The following TNC variants were observed in gnomAD, a reference collection of about 807,000 sequenced individuals.
TNC encodes tenascin.
A neutral mutation model predicts 202.4 loss-of-function variants in TNC; 109 were observed. The observed-to-expected ratio is 0.54, with a 90% CI of 0.46 to 0.63. The LOEUF (loss-of-function observed/expected upper bound fraction) is 0.63, where lower values mean the gene tolerates loss of function less well. Among genes scored for constraint, TNC ranks in the 30% least tolerant of loss-of-function variants. The probability of loss-of-function intolerance (pLI) is 0.00; values close to 1 mark genes in which losing one functional copy is unlikely to be tolerated. For missense variants in TNC, 2,756 were observed against 2,833.3 expected (o/e 0.97, Z 0.62); for synonymous variants, 1,007 against 1,089.7 (o/e 0.92, Z 1.50).
Position 115,062,957 on chromosome 9 carries a change from C to T in TNC, c.3993G>A (p.Arg1331=), listed in dbSNP as rs1322298869. 6.2e-7 allele frequency: 1 copy of T among 1,613,970 alleles called. No individual in the cohort carries two copies. The change falls in exon 13 of 28, where the codon AGG becomes AGA. Residue 1331 remains arginine, a synonymous_variant. Coordinates refer to ENST00000350763, the MANE Select transcript of TNC (RefSeq NM_002160.4). ...PYTVTLHGEV[R]GHSTRPLAVE... ...CAGCAAGGGGTCGAGTGCTGTGGCC[C>T]CTGACCTCGCCGTGCAGGGTGACTG...
At position 115,087,094 on chromosome 9, in the gene TNC, C is replaced by T. The variant is rs7020958; in HGVS notation, c.637G>A (p.Gly213Ser). ...GQCICDDGFT[G>S]EDCSQLACPS... ...CAAGCCAGCTGGCTGCAGTCCTCGC[C>T]CGTGAAGCCGTCGTCACAGATGCAC... The change falls in exon 3 of 28, where the codon GGC (glycine) becomes AGC (serine). Residue 213 changes from glycine to serine, a missense_variant. Gly to Ser is a moderately conservative substitution (Grantham distance 56, BLOSUM62 0). Transcript: ENST00000350763. The T allele has an allele frequency of 1.1e-3, 1,844 of 1,614,242 alleles. 18 individuals carry two copies. The African/African-American group carries it at 0.023, about 20-fold the overall frequency.
intron 27 of TNC, among the ~76,000 whole-genome samples, chr9:115,021,643 T>A (rs1587974408): frequency 1.3e-5 from 2 of 152,214 alleles, no homozygotes; most frequent in Admixed American, 1.3e-4. Flanking sequence ...GCTACATACA[T>A]GGTGTGTGTG....
chr9:115,114,788 G>A (rs985486026), intron 1 of TNC, among the ~76,000 whole-genome samples: 3 of 152,116 alleles, frequency 2.0e-5, no homozygotes, highest in African/African-American at 7.2e-5. Flanking sequence ...CCTCAATTAC[G>A]GAAAGACCTC....
At chr9:115,025,216 T>C (rs1384861812) in intron 26 of TNC, among the ~76,000 whole-genome samples, 2 of 152,228 alleles carry the variant, frequency 1.3e-5, no homozygotes, top group African/African-American at 2.4e-5. Context: ...AACATTCTTC[T>C]TCTTGCCTGA....
intron 6 of TNC, among the ~76,000 whole-genome samples, chr9:115,078,780 C>T (rs1417832736): frequency 6.6e-6 from 1 of 152,128 alleles, no homozygotes; most frequent in Non-Finnish European, 1.5e-5. Context: ...TTTGCAGGCT[C>T]ATCTTGACTT....
At chr9:115,036,678 T>C (rs761484584) in intron 20 of TNC, among the ~76,000 whole-genome samples, 13 of 152,196 alleles carry the variant, frequency 8.5e-5, no homozygotes, top group Non-Finnish European at 1.6e-4. Flanking sequence ...ATCAAGTCAT[T>C]AGGCTGAGGG....
intron 27 of TNC, among the ~76,000 whole-genome samples, chr9:115,022,599 T>G (rs1012010515): frequency 4.0e-4 from 61 of 152,168 alleles, no homozygotes; most frequent in African/African-American, 1.5e-3. Context: ...CCAGAAGAAC[T>G]TTGTATTATA....
Position 115,023,927 on chromosome 9 carries a change from C to T in TNC, c.6495+46G>A, listed in dbSNP as rs182953776. The T allele has an allele frequency of 5.8e-5, 92 of 1,590,376 alleles. 1 individual carries two copies. The East Asian group carries it at 7.7e-4, about 13-fold the overall frequency. On this transcript the variant is annotated intron_variant, in intron 27 of 27. Transcript: ENST00000350763. The stretch of plus-strand genomic sequence containing the variant: ...AAATTGTACTTCCATTAGCCCCCTC[C>T]AGCTTCCCAAGCTTGGCCTGCTCTG...
At chr9:115,057,968 G>A (rs1340997551) in intron 14 of TNC, among the ~76,000 whole-genome samples, 1 of 152,148 alleles carries the variant, frequency 6.6e-6, no homozygotes, top group Non-Finnish European at 1.5e-5. Context: ...TGACTTAATG[G>A]TAATTACCAA....
At chr9:115,076,653 TA>T (rs1280352814) in intron 7 of TNC, 78 bp from the exon 8 acceptor site, 1 of 1,488,910 alleles carries the variant, frequency 6.7e-7, no homozygotes, top group Non-Finnish European at 9.2e-7. Context: ...CAAGCTGACA[TA>T]TGAAACGTGC....
Position 115,038,396 on chromosome 9 carries a change from G to A in TNC, c.5393-16C>T, listed in dbSNP as rs1288578629. On this transcript the variant is annotated splice_polypyrimidine_tract_variant and intron_variant, in intron 19 of 27. Coordinates refer to ENST00000350763, the MANE Select transcript of TNC (RefSeq NM_002160.4). Reference sequence around the variant, plus strand: ...CCATCCAGAGCTGCAAAGAAAGATGGTGGACAGGAGGGAAGTCATTGGGTG... The same window carrying A: ...CCATCCAGAGCTGCAAAGAAAGATGATGGACAGGAGGGAAGTCATTGGGTG... 1 of 1,613,214 alleles carries A rather than the reference G, an allele frequency of 6.2e-7. No homozygotes were observed. Among genetic ancestry groups the A allele is most frequent in the Admixed American group, 1.7e-5 (1 of 60,016 alleles).
At chr9:115,029,223 T>C in intron 25 of TNC, 137 bp downstream of exon 25, 1 of 703,562 alleles carries the variant, frequency 1.4e-6, no homozygotes, top group South Asian at 1.8e-5. Flanking sequence ...CATTAAGAAT[T>C]TGACATTCTG....
At chr9:115,039,967 T>A (rs922167143) in intron 19 of TNC, among the ~76,000 whole-genome samples, 16 of 152,252 alleles carry the variant, frequency 1.1e-4, no homozygotes, top group African/African-American at 3.9e-4. Context: ...GAGGATATTT[T>A]TAAAATTTCC....
chr9:115,088,721 A>T (rs749143558), intron 2 of TNC, among the ~76,000 whole-genome samples: 1 of 151,952 alleles, frequency 6.6e-6, no homozygotes, highest in Non-Finnish European at 1.5e-5. Flanking sequence ...TGATTTGTAA[A>T]GTGAGAGTCT....
At chr9:115,072,618 A>T (rs1423394094) in intron 10 of TNC, among the ~76,000 whole-genome samples, 4 of 152,132 alleles carry the variant, frequency 2.6e-5, no homozygotes, top group Non-Finnish European at 5.9e-5. Flanking sequence ...CTTTTTCTCG[A>T]GTTCTGTCTA....
At chr9:115,082,930 G>A (rs1480296001) in intron 4 of TNC, 123 bp from the exon 5 acceptor site, 18 of 656,992 alleles carry the variant, frequency 2.7e-5, no homozygotes, top group Non-Finnish European at 4.6e-5. Flanking sequence ...ACCAGAGCAG[G>A]TGTCCTTTTA....
chr9:115,094,970 C>T (rs1468340205), intron 1 of TNC, among the ~76,000 whole-genome samples: 1 of 151,752 alleles, frequency 6.6e-6, no homozygotes, highest in East Asian at 1.9e-4. Flanking sequence ...GAATTGGTAC[C>T]CAATAGAAAG....
At chr9:115,021,327 G>A in intron 27 of TNC, 60 bp from the exon 28 acceptor site, 1 of 1,182,970 alleles carries the variant, frequency 8.5e-7, no homozygotes, top group Non-Finnish European at 1.2e-6. Context: ...GTTGGTTACT[G>A]TTAGGCGAGG....
rs950758167 is a variant in TNC, at chr9:115,038,472, A to G, written c.5393-92T>C. ...TGTCCACACTGCTTATGGAGTCCTG[A>G]TGTTAGGACAGTGTCAGCTGCATGG... On this transcript the variant is annotated intron_variant, in intron 19 of 27. Transcript: ENST00000350763. The G allele has an allele frequency of 4.2e-5, 63 of 1,485,046 alleles. No individual in the cohort carries two copies. In the African/African-American group the frequency reaches 6.8e-4, roughly 16 times the overall value. 92.0% of individuals were successfully genotyped at this position (1,485,046 alleles called of 1,614,324 possible).
Sources: allele counts gnomAD v4.1 joint callset (sites outside exome capture counted in the v4.1 genomes callset), GRCh38; gene constraint gnomAD v4.1.1; transcripts MANE v1.5; gene names NCBI Gene and HGNC (gene_info 2026-07-23, HGNC 2026-07-21).